PEF1: variants seen among roughly 807,000 people sequenced by gnomAD.
The protein encoded by PEF1 is peflin.
A neutral mutation model predicts 32.0 loss-of-function variants in PEF1; 17 were observed. That is an observed-to-expected ratio of 0.53 (90% CI 0.36 to 0.80). PEF1 has a LOEUF of 0.80. PEF1 is among the 30% of genes least tolerant of loss of function. The pLI is 0.00. For synonymous variants in PEF1, 130 were observed against 139.8 expected (o/e 0.93, Z 0.50); for missense variants, 362 against 369.1 (o/e 0.98, Z 0.16).
intron 2 of PEF1, 139 bp downstream of exon 2, chr1:31,635,083 G>GGA (rs1640217343): frequency 5.8e-6 from 6 of 1,042,386 alleles, no homozygotes; most frequent in Non-Finnish European, 2.9e-6. Context: ...ATCATTTTGA[G>GGA]GATACACACT....
At chr1:31,642,739 T>A (rs965000055) in intron 1 of PEF1, among the ~76,000 whole-genome samples, 4 of 152,192 alleles carry the variant, frequency 2.6e-5, no homozygotes, top group African/African-American at 9.7e-5. Flanking sequence ...ATGAGAGCAG[T>A]CACGGCAGCA....
chr1:31,639,245 C>T (rs1371206573), intron 1 of PEF1, among the ~76,000 whole-genome samples: 1 of 152,184 alleles, frequency 6.6e-6, no homozygotes, highest in Admixed American at 6.5e-5. Context: ...GCCAAGAATG[C>T]AGTGTGAACC....
intron 2 of PEF1, chr1:31,634,882 TC>T: frequency 2.0e-6 from 1 of 494,394 alleles, no homozygotes; most frequent in Non-Finnish European, 4.0e-6. Flanking sequence ...GCTCTCCTGC[TC>T]CTTCTCTCTG....
At chr1:31,635,716 C>A (rs369101492) in intron 1 of PEF1, among the ~76,000 whole-genome samples, 194 bp from the exon 2 acceptor site, 13 of 152,244 alleles carry the variant, frequency 8.5e-5, no homozygotes, top group African/African-American at 3.1e-4. Context: ...AAAGTCACCC[C>A]GCCAATGACC....
chr1:31,633,076 TCCACC>T, intron 3 of PEF1, 78 bp downstream of exon 3: 4 of 1,462,186 alleles, frequency 2.7e-6, no homozygotes, highest in Non-Finnish European at 3.7e-6. Flanking sequence ...CTTCAGAATG[TCCACC>T]CACCCACCTA....
At chr1:31,633,449 CTTA>C in intron 2 of PEF1, 135 bp from the exon 3 acceptor site, 3 of 967,338 alleles carry the variant, frequency 3.1e-6, no homozygotes, top group Non-Finnish European at 4.5e-6. Flanking sequence ...AGCTGACATT[CTTA>C]CTCTGATGGA....
chr1:31,631,352 T>A (rs1422806735), intron 4 of PEF1, among the ~76,000 whole-genome samples: 2 of 152,228 alleles, frequency 1.3e-5, no homozygotes, highest in Non-Finnish European at 2.9e-5. Context: ...CGGGTGATCA[T>A]GTAAAGCACT....
chr1:31,633,093 C>A (rs1640157884), intron 3 of PEF1, 66 bp downstream of exon 3: 1 of 1,531,544 alleles, frequency 6.5e-7, no homozygotes, highest in Non-Finnish European at 8.8e-7. Context: ...ACCCACCTAC[C>A]CACCTACTGT....
intron 1 of PEF1, among the ~76,000 whole-genome samples, chr1:31,637,588 A>G (rs1225310614): frequency 2.3e-5 from 3 of 130,812 alleles, no homozygotes; most frequent in Non-Finnish European, 4.7e-5. Context: ...GGCTGCAGTG[A>G]GCTGTGATTG....
intron 1 of PEF1, among the ~76,000 whole-genome samples, chr1:31,640,461 G>A (rs1640365766): frequency 6.6e-6 from 1 of 152,126 alleles, no homozygotes; most frequent in Non-Finnish European, 1.5e-5. Flanking sequence ...AAATGTCTTT[G>A]TCAAATATAA....
At chr1:31,637,481 C>CA (rs1570277454) in intron 1 of PEF1, among the ~76,000 whole-genome samples, 1 of 152,056 alleles carries the variant, frequency 6.6e-6, no homozygotes, top group East Asian at 1.9e-4. Flanking sequence ...CCCACCTCTA[C>CA]AAAAAATTTT....
At chr1:31,639,616 A>G (rs1159970777) in intron 1 of PEF1, among the ~76,000 whole-genome samples, 1 of 152,214 alleles carries the variant, frequency 6.6e-6, no homozygotes, top group Non-Finnish European at 1.5e-5. Context: ...TGAGCCAGTG[A>G]GGGAGGCAGT....
intron 1 of PEF1, among the ~76,000 whole-genome samples, chr1:31,640,076 G>C (rs979265290): frequency 6.6e-6 from 1 of 152,172 alleles, no homozygotes. Context: ...GGAAGGACAG[G>C]AAGAGTTCAG....
intron 2 of PEF1, among the ~76,000 whole-genome samples, chr1:31,634,583 A>G (rs1640205878): frequency 6.6e-6 from 1 of 152,144 alleles, no homozygotes; most frequent in African/African-American, 2.4e-5. Flanking sequence ...CCTGGCTAAT[A>G]ATCTCTAGCC....
intron 1 of PEF1, 34 bp from the exon 2 acceptor site, chr1:31,635,556 G>T: frequency 6.7e-7 from 1 of 1,501,922 alleles, no homozygotes; most frequent in South Asian, 1.4e-5. Flanking sequence ...TCAGAATGAT[G>T]AGGCCAGAAA....
At chr1:31,643,115 T>C (rs75707834) in intron 1 of PEF1, among the ~76,000 whole-genome samples, 287 of 152,364 alleles carry the variant, frequency 1.9e-3, no homozygotes, top group Non-Finnish European at 3.1e-3. Flanking sequence ...AACAAGGCGC[T>C]ATGAATGTTT....
chr1:31,642,193 A>G (rs1000298287), intron 1 of PEF1, among the ~76,000 whole-genome samples: 2 of 152,246 alleles, frequency 1.3e-5, no homozygotes, highest in African/African-American at 4.8e-5. Context: ...AGATTGTGCC[A>G]TTGCACTCCA....
chr1:31,630,734 T>C lies in PEF1; in HGVS notation c.734A>G (p.Gln245Arg), dbSNP rs1557583019. The C allele has an allele frequency of 1.2e-6, 2 of 1,614,164 alleles. No individual in the cohort carries two copies. The highest frequency in any genetic ancestry group is 1.7e-6 in the Non-Finnish European group (2 of 1,180,042). ...CAGCACCTGCAGCTGGGTGCACACC[T>C]GGATGAAGCGGTCAAGCTGCATGGC... ...NPAMQLDRFI[Q>R]VCTQLQVLTE... The change falls in exon 5 of 5, where the codon CAG (glutamine) becomes CGG (arginine). Residue 245 changes from glutamine to arginine, a missense_variant. By Grantham distance (43) the Gln-to-Arg change is conservative. Transcript: ENST00000373703.
intron 1 of PEF1, among the ~76,000 whole-genome samples, chr1:31,641,092 C>G (rs1640380363): frequency 6.6e-6 from 1 of 152,202 alleles, no homozygotes; most frequent in African/African-American, 2.4e-5. Flanking sequence ...TGTGCTCACA[C>G]TTTCAAATCT....
Sources: gnomAD v4.1 joint callset for allele counts (sites outside exome capture counted in the v4.1 genomes callset) on GRCh38, gnomAD v4.1.1 for gene constraint, MANE v1.5 for transcripts, NCBI Gene and HGNC (gene_info 2026-07-23, HGNC 2026-07-21) for gene names.